SLC12A2: variants seen among roughly 807,000 people sequenced by gnomAD.
The protein encoded by SLC12A2 is solute carrier family 12 member 2.
SLC12A2 carries 67 observed loss-of-function variants against 136.3 expected under a neutral mutation model. The ratio of observed to expected loss-of-function variants is 0.49; its 90% CI spans 0.40 to 0.60. SLC12A2 has a LOEUF of 0.60. Ranked by LOEUF, SLC12A2 falls within the 20% of genes least tolerant of loss-of-function variation. The probability of loss-of-function intolerance (pLI) is 0.00; values close to 1 mark genes in which losing one functional copy is unlikely to be tolerated. For synonymous variants in SLC12A2, 619 were observed against 562.9 expected (o/e 1.10, Z -1.41); for missense variants, 1,322 against 1,534.7 (o/e 0.86, Z 2.32).
Position 128,174,578 on chromosome 5 carries a change from C to A in SLC12A2, c.2841C>A (p.Thr947=). ...CATCACAAGAGAAATCTCCTGGCAC[C>A]AAGGATGTGGTAGTAAGTGTGGAAT... is the stretch of plus-strand genomic sequence containing the variant. ...LLSSQEKSPG[T]KDVVVSVEYS... The change falls in exon 20 of 27, where the codon ACC becomes ACA. Residue 947 remains threonine, a synonymous_variant. Transcript: ENST00000262461. The A allele has an allele frequency of 6.2e-7, 1 of 1,608,546 alleles. No homozygotes were observed. Among genetic ancestry groups the A allele is most frequent in the African/African-American group, 1.3e-5 (1 of 74,816 alleles).
intron 11 of SLC12A2, 125 bp from the exon 12 acceptor site, chr5:128,148,629 A>G: frequency 2.9e-6 from 2 of 686,458 alleles, no homozygotes; most frequent in Non-Finnish European, 4.7e-6. Flanking sequence ...AGTATCTGGG[A>G]CAGGATAAAA....
At chr5:128,136,719 C>T (rs1197321411) in intron 7 of SLC12A2, among the ~76,000 whole-genome samples, 1 of 152,074 alleles carries the variant, frequency 6.6e-6, no homozygotes, top group Non-Finnish European at 1.5e-5. Context: ...TCCATTACTC[C>T]TGTTACCCCC....
intron 5 of SLC12A2, among the ~76,000 whole-genome samples, chr5:128,131,726 C>T (rs1055686889): frequency 6.6e-5 from 10 of 151,916 alleles, no homozygotes; most frequent in Admixed American, 2.6e-4. Context: ...AAAAGTACAG[C>T]CGGGCGTGGT....
intron 4 of SLC12A2, among the ~76,000 whole-genome samples, chr5:128,116,247 G>T (rs189694446): frequency 3.9e-5 from 6 of 152,066 alleles, no homozygotes; most frequent in Non-Finnish European, 8.8e-5. Flanking sequence ...GAAGCCACTG[G>T]CAACATTAAC....
chr5:128,147,537 C>T, intron 10 of SLC12A2, 85 bp from the exon 11 acceptor site: 1 of 811,356 alleles, frequency 1.2e-6, no homozygotes, highest in Non-Finnish European at 2.1e-6. Flanking sequence ...TGTTAACCTC[C>T]TTCAAGATGT....
intron 15 of SLC12A2, among the ~76,000 whole-genome samples, chr5:128,153,624 A>T (rs1352561639): frequency 1.3e-5 from 2 of 152,214 alleles, no homozygotes; most frequent in African/African-American, 4.8e-5. Flanking sequence ...TTCTTTAGTC[A>T]TGAGTAATCC....
Position 128,182,882 on chromosome 5 carries a change from G to A in SLC12A2, c.3240G>A (p.Arg1080=), listed in dbSNP as rs1763749531. The A allele has an allele frequency of 6.2e-7, 1 of 1,611,520 alleles. No homozygotes were observed. ...TGGCTACTTTGCTTAGCAAGTTCCGGATAGACTTTTCTGATATCATGGTTC... is the reference window on the plus strand; with the variant it reads ...TGGCTACTTTGCTTAGCAAGTTCCGAATAGACTTTTCTGATATCATGGTTC... ...RAMATLLSKF[R]IDFSDIMVLG... Residue 1080 remains arginine (R), a synonymous_variant, in exon 24 of 27, where the codon CGG becomes CGA. Transcript: ENST00000262461.
chr5:128,084,077 G>C lies in SLC12A2; in HGVS notation c.123G>C (p.Ser41=). The change falls in exon 1 of 27, where the codon TCG becomes TCC. Residue 41 remains serine (S), a synonymous_variant. Transcript: ENST00000262461. This position sits in a 1 kb window ranked among gnomAD's most constrained non-coding sequence, Gnocchi z 5.6. ...AACTGCCCGGCACGGCTGTGCCCTCGGTGCCGGAGGATGCTGCGCCCGCGA... is the reference window on the plus strand; with the variant it reads ...AACTGCCCGGCACGGCTGTGCCCTCCGTGCCGGAGGATGCTGCGCCCGCGA... The part of the protein sequence containing the change: ...RVELPGTAVP[S]VPEDAAPASR... 7.6e-7 allele frequency: 1 copy of C among 1,313,414 alleles called. No individual in the cohort carries two copies. 81.4% of individuals were successfully genotyped at this position (1,313,414 alleles called of 1,614,324 possible).
intron 4 of SLC12A2, among the ~76,000 whole-genome samples, chr5:128,124,103 C>T (rs1373635755): frequency 6.6e-6 from 1 of 152,194 alleles, no homozygotes; most frequent in Non-Finnish European, 1.5e-5. Flanking sequence ...TATTTCTAGA[C>T]TCTGTGCCAT....
In SLC12A2 at chr5:128,104,047, T is replaced by C. The variant is rs547712077; in HGVS notation, c.757-8767T>C. ...TCGAAAGAATTCCTTGGGATAACAT[T>C]ATTTTTCAAGGCTTCCTGAAAAAGG... On this transcript the variant is annotated intron_variant, in intron 1 of 26. Coordinates refer to ENST00000262461, the MANE Select transcript of SLC12A2 (RefSeq NM_001046.3). Among the ~76,000 whole-genome samples the C allele has an allele frequency of 3.9e-5, 6 of 152,294 alleles. 1 individual carries two copies. The South Asian group carries it at 1.2e-3, about 32-fold the overall frequency.
At chr5:128,116,280 A>G (rs1419399299) in intron 4 of SLC12A2, among the ~76,000 whole-genome samples, 1 of 152,152 alleles carries the variant, frequency 6.6e-6, no homozygotes, top group African/African-American at 2.4e-5. Context: ...CCCCATTTGA[A>G]TCAGATTTTT....
chr5:128,103,711 C>T (rs1760826067), intron 1 of SLC12A2, among the ~76,000 whole-genome samples: 1 of 152,138 alleles, frequency 6.6e-6, no homozygotes, highest in African/African-American at 2.4e-5. Context: ...GAGAAAGAGC[C>T]AGCCATCTTC....
chr5:128,105,544 G>A (rs1760901571), intron 1 of SLC12A2, among the ~76,000 whole-genome samples: 1 of 152,186 alleles, frequency 6.6e-6, no homozygotes, highest in African/African-American at 2.4e-5. Flanking sequence ...GTGTTGTGGT[G>A]AGGGGAAGCC....
At chr5:128,113,237 G>T (rs1035235584) in intron 2 of SLC12A2, among the ~76,000 whole-genome samples, 3 of 152,100 alleles carry the variant, frequency 2.0e-5, no homozygotes, top group African/African-American at 7.2e-5. Flanking sequence ...TCACTTTTCA[G>T]AAATTAAATA....
At chr5:128,146,161 T>C (rs188904668) in intron 10 of SLC12A2, among the ~76,000 whole-genome samples, 4 of 152,022 alleles carry the variant, frequency 2.6e-5, no homozygotes, top group South Asian at 2.1e-4. Flanking sequence ...AAATAAGTTA[T>C]AGACATCATG....
At chr5:128,110,454 G>C in intron 1 of SLC12A2, 4 of 1,249,768 alleles carry the variant, frequency 3.2e-6, no homozygotes, top group Non-Finnish European at 4.7e-6. Context: ...GTTAAACTCA[G>C]TAGAAACACC....
chr5:128,159,873 C>T (rs1412776166), intron 16 of SLC12A2, among the ~76,000 whole-genome samples: 2 of 152,186 alleles, frequency 1.3e-5, no homozygotes, highest in Non-Finnish European at 2.9e-5. Flanking sequence ...TTTGAGCCAG[C>T]AATCCCATTA....
chr5:128,179,531 G>GC (rs1763633943), intron 22 of SLC12A2, among the ~76,000 whole-genome samples: 1 of 152,168 alleles, frequency 6.6e-6, no homozygotes, highest in African/African-American at 2.4e-5. Flanking sequence ...GACCACACAA[G>GC]CATGGTCCTG....
At position 128,158,441 on chromosome 5, in the gene SLC12A2, G is replaced by T. The variant is rs567058252; in HGVS notation, c.2475+277G>T. On this transcript the variant is annotated intron_variant, in intron 16 of 26. Transcript: ENST00000262461. ...ATGTTTAGCTCCCACTTAGAAGTGT[G>T]AACATGTGGTATTTTGTTTTGTGTT... is the stretch of plus-strand genomic sequence containing the variant. 2.6e-5 allele frequency among the ~76,000 whole-genome samples: 4 copies of T among 152,250 alleles called. No homozygotes were observed. In the South Asian group the frequency reaches 8.3e-4, roughly 32 times the overall value.
Sources: allele counts gnomAD v4.1 joint callset (sites outside exome capture counted in the v4.1 genomes callset), GRCh38; gene constraint gnomAD v4.1.1; non-coding constraint Gnocchi (gnomAD v3.1); transcripts MANE v1.5; gene names NCBI Gene and HGNC (gene_info 2026-07-23, HGNC 2026-07-21).